RYR3: variants seen among roughly 807,000 people sequenced by gnomAD.
RYR3 encodes the protein brain ryanodine receptor-calcium release channel.
In RYR3, 207 loss-of-function variants were observed where a neutral mutation model predicts 584.3. The ratio of observed to expected loss-of-function variants is 0.35; its 90% CI spans 0.32 to 0.40. The LOEUF (loss-of-function observed/expected upper bound fraction) is 0.40, where lower values mean the gene tolerates loss of function less well. Ranked by LOEUF, RYR3 falls within the 10% of genes least tolerant of loss-of-function variation. The pLI is 1.00. For synonymous variants in RYR3, 2,416 were observed against 2,248.5 expected, an observed-to-expected ratio of 1.07 and a Z score of -2.11; for missense variants, 5,616 against 6,089.2, an observed-to-expected ratio of 0.92 and a Z score of 2.59.
At chr15:33,370,024 A>G (rs1595878065) in intron 1 of RYR3, among the ~76,000 whole-genome samples, 2 of 152,322 alleles carry the variant, frequency 1.3e-5, no homozygotes, top group East Asian at 3.9e-4. Context: ...TTTAAGGGAC[A>G]CTTTCAGCCA....
intron 16 of RYR3, among the ~76,000 whole-genome samples, chr15:33,598,179 T>G (rs2152544824): frequency 1.1e-5 from 1 of 90,116 alleles, no homozygotes; most frequent in East Asian, 4.1e-4. Context: ...ATAACTATTT[T>G]AATTACAAAA....
chr15:33,706,431 T>C (rs2066723644), intron 42 of RYR3, among the ~76,000 whole-genome samples: 1 of 152,128 alleles, frequency 6.6e-6, no homozygotes. Context: ...CCATTCTACT[T>C]TCTGTCTTTA....
rs10163048 is a variant in RYR3, at chr15:33,757,676, G to A, written c.8705+80G>A. 8.5e-3 allele frequency: 12,231 copies of A among 1,437,496 alleles called. 738 individuals are homozygous for A. In the African/African-American group the frequency reaches 0.14, roughly 17 times the overall value. The allele number at this position is 1,437,496 out of a possible 1,614,324, so 89.0% of individuals were successfully genotyped here. On this transcript the variant is annotated intron_variant, in intron 60 of 103. Transcript: ENST00000634891. ...GCCAGGTCCCTGTGGACTAAAAGGCGAGTCTTTTGGAGAAATGAAACTGGA... is the reference window on the plus strand; with the variant it reads ...GCCAGGTCCCTGTGGACTAAAAGGCAAGTCTTTTGGAGAAATGAAACTGGA...
intron 38 of RYR3, among the ~76,000 whole-genome samples, chr15:33,685,119 C>T (rs941199775): frequency 3.3e-5 from 5 of 152,098 alleles, no homozygotes; most frequent in African/African-American, 1.2e-4. Flanking sequence ...TGTAAATGGG[C>T]TAAATGCCCC....
chr15:33,514,576 TTGA>T (rs1352984147), intron 3 of RYR3, among the ~76,000 whole-genome samples: 1 of 152,102 alleles, frequency 6.6e-6, no homozygotes, highest in Non-Finnish European at 1.5e-5. Context: ...TTTCATGTCT[TTGA>T]TGAGCTATTT....
intron 10 of RYR3, among the ~76,000 whole-genome samples, chr15:33,553,094 C>T (rs1008484488): frequency 5.9e-5 from 9 of 152,076 alleles, no homozygotes; most frequent in Non-Finnish European, 1.2e-4. Context: ...GTTGGGAAGG[C>T]TGAGGGAGTG....
At chr15:33,431,329 GA>G (rs1475633111) in intron 1 of RYR3, among the ~76,000 whole-genome samples, 3 of 151,988 alleles carry the variant, frequency 2.0e-5, no homozygotes, top group South Asian at 4.2e-4. Flanking sequence ...ATTGAGTGGG[GA>G]AAAAAAAGTA....
chr15:33,392,776 T>A (rs866743333), intron 1 of RYR3, among the ~76,000 whole-genome samples: 1 of 152,168 alleles, frequency 6.6e-6, no homozygotes, highest in Non-Finnish European at 1.5e-5. Context: ...CCACAGTATC[T>A]ACTATGGTCA....
intron 98 of RYR3, chr15:33,856,912 C>T (rs1009339058): frequency 2.0e-5 from 3 of 152,288 alleles, no homozygotes; most frequent in South Asian, 2.1e-4. Flanking sequence ...CCGCCTCGGC[C>T]TCCTAAAGTG....
chr15:33,850,212 C>G (rs1042468013), intron 94 of RYR3: 1 of 151,960 alleles, frequency 6.6e-6, no homozygotes, highest in Non-Finnish European at 1.5e-5. Context: ...AACCCCGTCT[C>G]TACTAAAAAT....
intron 1 of RYR3, among the ~76,000 whole-genome samples, chr15:33,407,247 A>C (rs2676038): frequency 0.084 from 12,852 of 152,282 alleles, 1,851 homozygotes; most frequent in African/African-American, 0.29. Flanking sequence ...ATCAAGTGTC[A>C]ACATGAATTT....
chr15:33,813,377 C>A, intron 73 of RYR3, 90 bp from the exon 74 acceptor site: 2 of 1,148,164 alleles, frequency 1.7e-6, no homozygotes, highest in Non-Finnish European at 2.6e-6. Flanking sequence ...CAAAATTCTT[C>A]CAGAATGAAG....
chr15:33,824,034 G>T (rs1463121866), intron 81 of RYR3, among the ~76,000 whole-genome samples: 3 of 152,016 alleles, frequency 2.0e-5, no homozygotes, highest in Non-Finnish European at 4.4e-5. Flanking sequence ...CCCACCAACA[G>T]TCTATTCATT....
intron 1 of RYR3, among the ~76,000 whole-genome samples, chr15:33,404,279 T>C (rs557473777): frequency 3.3e-5 from 5 of 152,336 alleles, no homozygotes; most frequent in African/African-American, 1.2e-4. Flanking sequence ...TGAACGTGTA[T>C]GTGTTCATGT....
intron 43 of RYR3, among the ~76,000 whole-genome samples, chr15:33,708,350 C>G (rs552300641): frequency 6.6e-5 from 10 of 152,168 alleles, no homozygotes; most frequent in Non-Finnish European, 1.3e-4. Flanking sequence ...GTCACCTTCA[C>G]AGTCAAGATC....
intron 55 of RYR3, among the ~76,000 whole-genome samples, chr15:33,749,727 T>A (rs1288671669): frequency 6.6e-6 from 1 of 152,146 alleles, no homozygotes; most frequent in African/African-American, 2.4e-5. Context: ...TTCTCATAAA[T>A]GCATCAAACT....
chr15:33,461,222 G>T (rs1319028223), intron 1 of RYR3, among the ~76,000 whole-genome samples: 1 of 152,012 alleles, frequency 6.6e-6, no homozygotes, highest in East Asian at 1.9e-4. Context: ...GGGATTACAG[G>T]CGTGAGCCAC....
chr15:33,534,822 C>T (rs1198621404), intron 5 of RYR3, among the ~76,000 whole-genome samples: 1 of 152,114 alleles, frequency 6.6e-6, no homozygotes, highest in Non-Finnish European at 1.5e-5. Flanking sequence ...ATCGGGTGCT[C>T]CCTGTGGCTA....
intron 1 of RYR3, among the ~76,000 whole-genome samples, chr15:33,348,799 T>C (rs1246049135): frequency 7.9e-5 from 12 of 152,132 alleles, no homozygotes; most frequent in Non-Finnish European, 2.9e-5. Context: ...AAAAATTGCA[T>C]GCATTAAGTT....
Sources: allele counts gnomAD v4.1 joint callset (sites outside exome capture counted in the v4.1 genomes callset), GRCh38; gene constraint gnomAD v4.1.1; transcripts MANE v1.5; gene names NCBI Gene and HGNC (gene_info 2026-07-23, HGNC 2026-07-21).